The following URI1 variants were observed in gnomAD, a reference collection of about 807,000 sequenced individuals.
The protein encoded by URI1 is URI1 prefoldin like chaperone, also known as unconventional prefoldin RPB5 interactor 1.
URI1 carries 39 observed loss-of-function variants against 60.2 expected under a neutral mutation model. That is an observed-to-expected ratio of 0.65 (90% confidence interval 0.50 to 0.85). URI1 has a LOEUF of 0.85. Among genes scored for constraint, URI1 ranks in the 40% least tolerant of loss-of-function variants. URI1 has a pLI of 0.00. For synonymous variants in URI1, 251 were observed against 236.8 expected (o/e 1.06, Z -0.55); for missense variants, 691 against 665.9 (o/e 1.04, Z -0.42).
In URI1 at chr19:29,986,518, C is replaced by T. The variant is rs1242473934; in HGVS notation, c.367+101C>T. On this transcript the variant is annotated intron_variant, in intron 4 of 10. Coordinates refer to ENST00000392271, the MANE Select transcript of URI1 (RefSeq NM_003796.3). ...TCTTACCAAAAGTACCTTCCGTGAT[C>T]TATGAATCCAGGCTGTTTGTGATTC... 3.6e-6 allele frequency: 5 copies of T among 1,393,570 alleles called. No individual in the cohort carries two copies. In the East Asian group the frequency reaches 1.3e-4, roughly 36 times the overall value. 86.3% of individuals were successfully genotyped at this position (1,393,570 alleles called of 1,614,324 possible). A position where few individuals can be genotyped will look rare whatever the true frequency, so the allele number is the denominator to read the frequency against.
chr19:29,979,033 G>GT (rs2055559878), intron 2 of URI1, among the ~76,000 whole-genome samples: 1 of 151,898 alleles, frequency 6.6e-6, no homozygotes, highest in Non-Finnish European at 1.5e-5. Context: ...ACCTAAAAGG[G>GT]TTTTTTAATT....
At chr19:29,946,304 A>G (rs2055102481) in intron 1 of URI1, among the ~76,000 whole-genome samples, 2 of 152,094 alleles carry the variant, frequency 1.3e-5, no homozygotes, top group African/African-American at 4.8e-5. Flanking sequence ...TTGTACTAAG[A>G]TCTTGTTAAA....
At chr19:29,941,504 C>T (rs2055023380), upstream of URI1, among the ~76,000 whole-genome samples, 1 of 151,782 alleles carries the variant, frequency 6.6e-6, no homozygotes, top group Non-Finnish European at 1.5e-5. Context: ...GCCAGTGGTC[C>T]CAGCTACTCC....
intron 4 of URI1, among the ~76,000 whole-genome samples, chr19:29,987,059 C>G (rs996931410): frequency 6.6e-6 from 1 of 152,144 alleles, no homozygotes; most frequent in African/African-American, 2.4e-5. Context: ...ACAACACACA[C>G]TACACATTTT....
intron 4 of URI1, among the ~76,000 whole-genome samples, chr19:29,992,885 A>T (rs1223223934): frequency 6.6e-6 from 1 of 152,186 alleles, no homozygotes; most frequent in Non-Finnish European, 1.5e-5. Flanking sequence ...GTATCTAGGC[A>T]CCATGTCTTA....
intron 1 of URI1, among the ~76,000 whole-genome samples, chr19:29,961,015 T>G (rs2055316099): frequency 6.6e-6 from 1 of 151,564 alleles, no homozygotes; most frequent in South Asian, 2.1e-4. Context: ...TGGGCCTAGC[T>G]AATTAAAAAA....
In URI1 at chr19:29,970,128, A is replaced by ATTTTTTTT. The variant is rs199739403; in HGVS notation, c.118-1044_118-1037dup. Among the ~76,000 whole-genome samples the ATTTTTTTT allele has an allele frequency of 4.3e-4, 32 of 74,532 alleles. 2 individuals are homozygous for ATTTTTTTT. The highest frequency in any genetic ancestry group is 1.5e-3 in the African/African-American group (31 of 20,858). 48.9% of individuals were successfully genotyped at this position (74,532 alleles called of 152,430 possible). ...GACAGGTCTAAAAAAAATCGTGTGT[A>ATTTTTTTT]TTTTTTTTTTTTTTTTTTTTTTTTT... On this transcript the variant is annotated intron_variant, in intron 1 of 10. Coordinates refer to ENST00000392271, the MANE Select transcript of URI1 (RefSeq NM_003796.3).
intron 2 of URI1, among the ~76,000 whole-genome samples, chr19:29,975,690 A>T (rs1323268090): frequency 1.3e-5 from 2 of 151,802 alleles, no homozygotes; most frequent in Non-Finnish European, 2.9e-5. Context: ...TATTTTAGTA[A>T]AGACGGGGTT....
At chr19:29,986,179 A>G in intron 3 of URI1, 103 bp from the exon 4 acceptor site, 1 of 1,154,734 alleles carries the variant, frequency 8.7e-7, no homozygotes. Context: ...ATGTATAAAT[A>G]AAAAAATTCA....
rs1214178608 is a variant in URI1, at chr19:30,015,652, G to T, written c.*583G>T. On this transcript the variant is annotated 3_prime_UTR_variant, in exon 11 of 11. Transcript: ENST00000392271. ...CTCTATGGGAAAATTTCTTTGGAAA[G>T]ATATTTTGTAAAACTTTTTTTTCCA... The T allele has an allele frequency of 2.8e-6, 4 of 1,430,348 alleles. No individual in the cohort carries two copies. The South Asian group carries it at 4.0e-5, about 14-fold the overall frequency. 88.6% of individuals were successfully genotyped at this position (1,430,348 alleles called of 1,614,324 possible).
chr19:29,986,516 A>G (rs2055672987), intron 4 of URI1, 99 bp downstream of exon 4: 2 of 1,403,410 alleles, frequency 1.4e-6, no homozygotes, highest in Non-Finnish European at 1.9e-6. Flanking sequence ...ACCTTCCGTG[A>G]TCTATGAATC....
At chr19:29,975,957 T>C (rs548141301) in intron 2 of URI1, among the ~76,000 whole-genome samples, 2 of 152,208 alleles carry the variant, frequency 1.3e-5, no homozygotes, top group Admixed American at 6.5e-5. Context: ...TCCCATCCTT[T>C]TGGACAAAAA....
chr19:29,978,991 A>G (rs944688345), intron 2 of URI1, among the ~76,000 whole-genome samples: 2 of 152,170 alleles, frequency 1.3e-5, no homozygotes, highest in African/African-American at 4.8e-5. Flanking sequence ...GGAAGAGCCT[A>G]GAGTTTTTCT....
intron 1 of URI1, among the ~76,000 whole-genome samples, chr19:29,954,660 G>A (rs1380023223): frequency 3.3e-5 from 5 of 151,480 alleles, no homozygotes; most frequent in South Asian, 2.1e-4. Context: ...AATTACAGGC[G>A]CCCACCACCA....
In URI1 at chr19:29,942,701, G is replaced by C; in HGVS notation, c.117+37G>C. The stretch of plus-strand genomic sequence containing the variant: ...CCCCGCGCCGCTTCCGCCTCCGCCC[G>C]CCGGGCTGCCCCTGCCTGTGCTCTG... On this transcript the variant is annotated intron_variant, in intron 1 of 10. Coordinates refer to ENST00000392271, the MANE Select transcript of URI1 (RefSeq NM_003796.3). 2.2e-6 allele frequency: 3 copies of C among 1,351,492 alleles called. No individual in the cohort carries two copies. In the East Asian group the frequency reaches 8.8e-5, roughly 39 times the overall value. The allele number at this position is 1,351,492 out of a possible 1,614,324, so 83.7% of individuals were successfully genotyped here.
intron 6 of URI1, among the ~76,000 whole-genome samples, chr19:30,007,027 C>T (rs162941): frequency 0.96 from 145,690 of 152,224 alleles, 69,739 homozygotes; most frequent in East Asian, 1. Context: ...GGCTTTTGCA[C>T]GTTACTGTAG....
intron 1 of URI1, among the ~76,000 whole-genome samples, chr19:29,964,464 G>GTTTTTTTT (rs373357906): frequency 8.0e-6 from 1 of 124,656 alleles, no homozygotes; most frequent in Non-Finnish European, 1.7e-5. Flanking sequence ...TTTTTGTTTT[G>GTTTTTTTT]TTTTTTTTTT....
At chr19:29,958,760 G>A (rs2055283310) in intron 1 of URI1, among the ~76,000 whole-genome samples, 1 of 151,950 alleles carries the variant, frequency 6.6e-6, no homozygotes, top group South Asian at 2.1e-4. Flanking sequence ...AGGGGTTTGA[G>A]ATCAGCCTGG....
At position 29,986,278 on chromosome 19, in the gene URI1, A is replaced by G. The variant is rs759720787; in HGVS notation, c.232-4A>G. The G allele has an allele frequency of 9.5e-6, 15 of 1,573,260 alleles. No individual in the cohort carries two copies. ...TCCCTTTTTTCTTTTTTTTTAAACA[A>G]TAGGTACCATTTGGCCCTTTTGCCT... On this transcript the variant is annotated splice_polypyrimidine_tract_variant and splice_region_variant and intron_variant, in intron 3 of 10. Transcript: ENST00000392271.
Sources: allele counts gnomAD v4.1 joint callset (sites outside exome capture counted in the v4.1 genomes callset), GRCh38; gene constraint gnomAD v4.1.1; transcripts MANE v1.5; gene names NCBI Gene and HGNC (gene_info 2026-07-23, HGNC 2026-07-21).